MCTP2: variants seen among roughly 807,000 people sequenced by gnomAD.
MCTP2 encodes the protein multiple C2 and transmembrane domain-containing protein 2.
A neutral mutation model predicts 111.6 loss-of-function variants in MCTP2; 132 were observed. That is an observed-to-expected ratio of 1.18 (90% CI 1.03 to 1.37). The LOEUF (loss-of-function observed/expected upper bound fraction) is 1.37. Among genes scored for constraint, MCTP2 ranks in the 40% most tolerant of loss-of-function variants. The pLI, the probability that MCTP2 is intolerant of heterozygous loss-of-function variation, is 0.00. For synonymous variants in MCTP2, 395 were observed against 387.7 expected (o/e 1.02, Z -0.22); for missense variants, 1,183 against 1,067.9 (o/e 1.11, Z -1.50).
At chr15:94,468,056 TATA>T (rs1463880574) in intron 20 of MCTP2, among the ~76,000 whole-genome samples, 2 of 151,468 alleles carry the variant, frequency 1.3e-5, no homozygotes. Context: ...TGCGAAAGTT[TATA>T]ATTTTTATGT....
intron 14 of MCTP2, among the ~76,000 whole-genome samples, chr15:94,387,138 TTCCCC>T (rs1487818004): frequency 9.3e-5 from 14 of 151,162 alleles, no homozygotes; most frequent in African/African-American, 3.2e-4. Flanking sequence ...TCCTTCCTCC[TTCCCC>T]CCTTCCTCCT....
At chr15:94,239,297 A>G (rs1379981034) in intron 1 of MCTP2, among the ~76,000 whole-genome samples, 3 of 152,252 alleles carry the variant, frequency 2.0e-5, no homozygotes, top group South Asian at 2.1e-4. Context: ...TTCGGTTTAT[A>G]GTCTGGAAAT....
chr15:94,412,913 A>C (rs867635944), intron 17 of MCTP2, among the ~76,000 whole-genome samples: 3 of 152,224 alleles, frequency 2.0e-5, no homozygotes, highest in South Asian at 2.1e-4. Flanking sequence ...GCTGTGAAAA[A>C]AAATTAGCCG....
intron 4 of MCTP2, among the ~76,000 whole-genome samples, chr15:94,325,812 A>ATTT (rs557989149): frequency 2.4e-4 from 22 of 91,878 alleles, no homozygotes; most frequent in African/African-American, 7.2e-4. Flanking sequence ...CATCGCTCCG[A>ATTT]TTTTTTTTTT....
intron 17 of MCTP2, among the ~76,000 whole-genome samples, chr15:94,410,348 C>A (rs144853163): frequency 6.6e-6 from 1 of 152,084 alleles, no homozygotes; most frequent in East Asian, 1.9e-4. Flanking sequence ...ATTTCCAGGG[C>A]TACTTAATGT....
intron 17 of MCTP2, among the ~76,000 whole-genome samples, chr15:94,420,991 G>A (rs978668374): frequency 2.0e-5 from 3 of 151,922 alleles, no homozygotes; most frequent in African/African-American, 4.8e-5. Flanking sequence ...AGCCACCCCA[G>A]CCTTCAGCAA....
At chr15:94,361,191 G>A (rs570104235) in intron 10 of MCTP2, among the ~76,000 whole-genome samples, 1 of 126,208 alleles carries the variant, frequency 7.9e-6, no homozygotes, top group East Asian at 2.7e-4. Context: ...AAACCTTTTT[G>A]CATCAGGAGG....
At chr15:94,394,421 A>G (rs1396123090) in intron 14 of MCTP2, among the ~76,000 whole-genome samples, 15 of 152,130 alleles carry the variant, frequency 9.9e-5, no homozygotes, top group Admixed American at 9.8e-4. Flanking sequence ...GAAATGATCA[A>G]ATACGAATAT....
At position 94,285,230 on chromosome 15, in the gene MCTP2, C is replaced by G. The variant is rs77508024; in HGVS notation, c.-65-12971C>G. 6.4e-3 allele frequency among the ~76,000 whole-genome samples: 972 copies of G among 152,282 alleles called. 6 individuals carry two copies. Among genetic ancestry groups the G allele is most frequent in the African/African-American group, 0.022 (924 of 41,558 alleles). ...TTGACAACATGTGTGAAATGTTTTC[C>G]ACCAGGGAAGTTCCTTAGGGAGCTT... is the stretch of plus-strand genomic sequence containing the variant. On this transcript the variant is annotated intron_variant, in intron 1 of 22. Transcript: ENST00000357742.
chr15:94,381,485 T>C (rs777964705), intron 12 of MCTP2, among the ~76,000 whole-genome samples: 10 of 152,198 alleles, frequency 6.6e-5, no homozygotes, highest in Non-Finnish European at 1.2e-4. Flanking sequence ...AAGAGCGTGC[T>C]TGCTTGAGAG....
At chr15:94,255,994 T>G (rs1329160887) in intron 1 of MCTP2, among the ~76,000 whole-genome samples, 1 of 152,192 alleles carries the variant, frequency 6.6e-6, no homozygotes, top group Non-Finnish European at 1.5e-5. Context: ...ACTTTTGTCT[T>G]TTCCTCACAG....
chr15:94,458,729 G>C (rs1596789507), intron 20 of MCTP2, among the ~76,000 whole-genome samples: 1 of 152,162 alleles, frequency 6.6e-6, no homozygotes, highest in African/African-American at 2.4e-5. Context: ...ATATATGGAT[G>C]TCTTAGGACA....
chr15:94,373,839 T>A (rs968438514), intron 12 of MCTP2, among the ~76,000 whole-genome samples: 3 of 152,208 alleles, frequency 2.0e-5, no homozygotes, highest in Non-Finnish European at 2.9e-5. Flanking sequence ...TTTTAAGTAA[T>A]AGGTGATGCA....
In MCTP2 at chr15:94,383,721, T is replaced by C. The variant is rs375085355; in HGVS notation, c.1583-301T>C. Among the ~76,000 whole-genome samples the C allele has an allele frequency of 3.9e-5, 6 of 152,276 alleles. No homozygotes were observed. The East Asian group carries it at 9.6e-4, about 24-fold the overall frequency. On this transcript the variant is annotated intron_variant, in intron 12 of 22. Coordinates refer to ENST00000357742, the MANE Select transcript of MCTP2 (RefSeq NM_001385001.1). ...CATGATTCAATTATCTCCCACCAGG[T>C]CCTTCCCACGACACATGGGAATTAT...
intron 10 of MCTP2, among the ~76,000 whole-genome samples, chr15:94,361,444 G>C (rs2078937559): frequency 6.6e-6 from 1 of 152,128 alleles, no homozygotes; most frequent in South Asian, 2.1e-4. Context: ...GTGGGACTTG[G>C]ACAGTGATTC....
intron 1 of MCTP2, among the ~76,000 whole-genome samples, chr15:94,279,115 C>T (rs1346487827): frequency 6.6e-6 from 1 of 152,028 alleles, no homozygotes; most frequent in Non-Finnish European, 1.5e-5. Context: ...TTTTTGGTTT[C>T]ATAGGAATTT....
chr15:94,476,030 T>C (rs2074319567), intron 21 of MCTP2, among the ~76,000 whole-genome samples: 2 of 152,162 alleles, frequency 1.3e-5, no homozygotes, highest in South Asian at 4.1e-4. Context: ...GTAAGATAAT[T>C]TGCCAATAAT....
In MCTP2 at chr15:94,479,080, T is replaced by A; in HGVS notation, c.*46T>A. ...AGCAGCACCCAATATTGTGTTTGGT[T>A]GAGTAGACCAATGTTATGGCTGTTT... On this transcript the variant is annotated 3_prime_UTR_variant, in exon 23 of 23. Coordinates refer to ENST00000357742, the MANE Select transcript of MCTP2 (RefSeq NM_001385001.1). 6.4e-7 allele frequency: 1 copy of A among 1,572,882 alleles called. No individual in the cohort carries two copies. The highest frequency in any genetic ancestry group is 8.8e-7 in the Non-Finnish European group (1 of 1,142,778).
At chr15:94,433,278 A>C (rs2083289353) in intron 17 of MCTP2, among the ~76,000 whole-genome samples, 1 of 152,198 alleles carries the variant, frequency 6.6e-6, no homozygotes, top group Admixed American at 6.5e-5. Flanking sequence ...TATTGCAGAT[A>C]AATTTTAGGA....
Sources: gnomAD v4.1 joint callset for allele counts (sites outside exome capture counted in the v4.1 genomes callset) on GRCh38, gnomAD v4.1.1 for gene constraint, MANE v1.5 for transcripts, NCBI Gene and HGNC (gene_info 2026-07-23, HGNC 2026-07-21) for gene names.